The following STON2 variants were observed in gnomAD, a reference collection of about 807,000 sequenced individuals.
STON2 encodes stonin-2.
STON2 carries 29 observed loss-of-function variants against 65.7 expected under a neutral mutation model. The ratio of observed to expected loss-of-function variants is 0.44; its 90% CI spans 0.33 to 0.60. The LOEUF is 0.60. Ranked by LOEUF, STON2 falls within the 20% of genes least tolerant of loss-of-function variation. The pLI is 0.03. For missense variants in STON2, 1,054 were observed against 1,118.1 expected (o/e 0.94, Z 0.82); for synonymous variants, 404 against 414.2 (o/e 0.98, Z 0.30).
chr14:81,423,328 C>G (rs1233799066), intron 2 of STON2, among the ~76,000 whole-genome samples: 1 of 152,152 alleles, frequency 6.6e-6, no homozygotes, highest in Non-Finnish European at 1.5e-5. Flanking sequence ...GCCAGAGACT[C>G]TCATCTCTGG....
intron 4 of STON2, among the ~76,000 whole-genome samples, chr14:81,360,006 G>A (rs562855192): frequency 9.9e-5 from 15 of 152,234 alleles, no homozygotes; most frequent in Admixed American, 3.3e-4. Context: ...GCAGAGGATC[G>A]CTCATTCCTG....
chr14:81,271,899 C>T lies in STON2; in HGVS notation c.2582-1027G>A, dbSNP rs1894610724. On this transcript the variant is annotated intron_variant, in intron 6 of 7. Coordinates refer to ENST00000614646, the MANE Select transcript of STON2 (RefSeq NM_001394390.1). ...CAGAATGTTACCTTCATTTTATAGT[C>T]GAGGAAGCTAAGGCTTAGGGAGGTA... is the stretch of plus-strand genomic sequence containing the variant. Among the ~76,000 whole-genome samples the T allele has an allele frequency of 5.9e-5, 9 of 152,144 alleles. No homozygotes were observed. The South Asian group carries it at 1.0e-3, about 18-fold the overall frequency.
intron 5 of STON2, among the ~76,000 whole-genome samples, chr14:81,297,864 C>T (rs1895821561): frequency 6.6e-6 from 1 of 152,218 alleles, no homozygotes; most frequent in Non-Finnish European, 1.5e-5. Context: ...CATGGAGAAA[C>T]CCCATTTCTA....
intron 7 of STON2, chr14:81,270,240 C>G: frequency 2.3e-6 from 1 of 436,074 alleles, no homozygotes; most frequent in Non-Finnish European, 3.0e-6. Flanking sequence ...CACAGGCCAC[C>G]ATGCCCGGCT....
At chr14:81,367,152 C>T (rs1033894428) in intron 4 of STON2, among the ~76,000 whole-genome samples, 4 of 152,016 alleles carry the variant, frequency 2.6e-5, no homozygotes, top group East Asian at 1.9e-4. Flanking sequence ...TTGAAGCTCT[C>T]GATAGCTCAT....
intron 3 of STON2, among the ~76,000 whole-genome samples, chr14:81,382,173 C>T (rs1175509291): frequency 2.6e-5 from 4 of 151,722 alleles, no homozygotes; most frequent in African/African-American, 4.8e-5. Context: ...GAGCTGAGAT[C>T]GTGCCACTGC....
chr14:81,275,886 C>T (rs371114060), intron 6 of STON2, among the ~76,000 whole-genome samples: 28 of 152,286 alleles, frequency 1.8e-4, no homozygotes, highest in East Asian at 9.7e-4. Context: ...CACACTGCTA[C>T]GATTTATAGT....
intron 2 of STON2, among the ~76,000 whole-genome samples, chr14:81,414,950 A>G (rs979894608): frequency 4.6e-5 from 7 of 152,164 alleles, no homozygotes; most frequent in Admixed American, 2.0e-4. Flanking sequence ...AGATCTGCCC[A>G]TGGTCGTCCA....
intron 3 of STON2, among the ~76,000 whole-genome samples, chr14:81,386,131 T>C (rs1285594675): frequency 2.6e-5 from 4 of 152,178 alleles, no homozygotes; most frequent in Non-Finnish European, 4.4e-5. Flanking sequence ...AAGGCTCTGC[T>C]GAAATTTATT....
At chr14:81,317,157 G>T (rs755858338) in intron 5 of STON2, among the ~76,000 whole-genome samples, 2 of 152,218 alleles carry the variant, frequency 1.3e-5, no homozygotes, top group Non-Finnish European at 2.9e-5. Flanking sequence ...GGGGGAGAAG[G>T]CATGTCACGT....
At position 81,277,103 on chromosome 14, in the gene STON2, A is replaced by G. The variant is rs1894861457; in HGVS notation, c.2379T>C (p.Ser793=). ...CCCTGCGGAAGTTTTTCACCCACTC[A>G]CTGGGCACAGGGTAACGGATCATCA... is the stretch of plus-strand genomic sequence containing the variant. ...ENVMIRYPVP[S]EWVKNFRRES... is the part of the protein sequence containing the mutation. The change falls in exon 6 of 8, where the codon AGT becomes AGC. Residue 793 remains serine, a synonymous_variant. Transcript: ENST00000614646. 18 of 1,614,176 alleles carry G rather than the reference A, an allele frequency of 1.1e-5. No homozygotes were observed. In the East Asian group the frequency reaches 4.0e-4, roughly 36 times the overall value.
In STON2 at chr14:81,264,147, T is replaced by C; in HGVS notation, c.*4267A>G. The C allele has an allele frequency of 5.1e-6, 5 of 985,450 alleles. No homozygotes were observed. The highest frequency in any genetic ancestry group is 4.7e-5 in the South Asian group (1 of 21,288). The allele number at this position is 985,450 out of a possible 1,614,324, so 61.0% of individuals were successfully genotyped here. ...ACAAAGCAATCAATCACCGTGACTA[T>C]GGACAGCATCTATGCTACTATGCTT... is the stretch of plus-strand genomic sequence containing the variant. On this transcript the variant is annotated 3_prime_UTR_variant, in exon 8 of 8. Transcript: ENST00000614646.
chr14:81,340,350 G>T (rs1395985715), intron 4 of STON2, among the ~76,000 whole-genome samples: 1 of 152,168 alleles, frequency 6.6e-6, no homozygotes, highest in Non-Finnish European at 1.5e-5. Flanking sequence ...AACTATTGGG[G>T]TTAGTGGATA....
At chr14:81,368,008 A>T (rs142166942) in intron 4 of STON2, among the ~76,000 whole-genome samples, 67 of 152,316 alleles carry the variant, frequency 4.4e-4, no homozygotes, top group African/African-American at 1.3e-3. Context: ...TCTGTCAAGG[A>T]CATATGGACT....
chr14:81,300,021 ATGT>A (rs1044437341), intron 5 of STON2, among the ~76,000 whole-genome samples: 2 of 152,106 alleles, frequency 1.3e-5, no homozygotes, highest in African/African-American at 4.8e-5. Context: ...AAGAAGAAAA[ATGT>A]TGTAGGACTC....
intron 1 of STON2, chr14:81,436,231 G>A (rs1024653099): frequency 6.6e-6 from 1 of 150,692 alleles, no homozygotes; most frequent in East Asian, 2.0e-4. Flanking sequence ...GCCCGCCCCC[G>A]CCCCCGCCCC....
At chr14:81,340,236 T>C (rs1897549355) in intron 4 of STON2, among the ~76,000 whole-genome samples, 1 of 152,212 alleles carries the variant, frequency 6.6e-6, no homozygotes, top group Admixed American at 6.5e-5. Context: ...TACAAAATTC[T>C]TGAAAATGCA....
intron 3 of STON2, among the ~76,000 whole-genome samples, chr14:81,380,952 C>T (rs1899484420): frequency 6.6e-6 from 1 of 151,996 alleles, no homozygotes; most frequent in Non-Finnish European, 1.5e-5. Flanking sequence ...CAAACCTGCA[C>T]ATGTACCCCT....
At chr14:81,425,922 T>C (rs1284485773) in intron 2 of STON2, among the ~76,000 whole-genome samples, 4 of 152,160 alleles carry the variant, frequency 2.6e-5, no homozygotes, top group Non-Finnish European at 5.9e-5. Context: ...ACAGTAGCAA[T>C]ATAAGTGGAA....
Sources: gnomAD v4.1 joint callset for allele counts (sites outside exome capture counted in the v4.1 genomes callset) on GRCh38, gnomAD v4.1.1 for gene constraint, MANE v1.5 for transcripts, NCBI Gene and HGNC (gene_info 2026-07-23, HGNC 2026-07-21) for gene names.